The following PCDH9 variants were observed in gnomAD, a reference collection of about 807,000 sequenced individuals.
The protein encoded by PCDH9 is protocadherin 9.
A neutral mutation model predicts 70.6 loss-of-function variants in PCDH9; 24 were observed. That is an observed-to-expected ratio of 0.34 (90% CI 0.25 to 0.48). The LOEUF (loss-of-function observed/expected upper bound fraction) is 0.48, where lower values mean the gene tolerates loss of function less well. Ranked by LOEUF, PCDH9 falls within the 20% of genes least tolerant of loss-of-function variation. PCDH9 has a pLI of 0.99. For synonymous variants in PCDH9, 562 were observed against 558.5 expected (o/e 1.01, Z -0.09); for missense variants, 1,281 against 1,503.6 (o/e 0.85, Z 2.45).
At chr13:66,444,904 A>G (rs1958042191) in intron 4 of PCDH9, among the ~76,000 whole-genome samples, 1 of 151,912 alleles carries the variant, frequency 6.6e-6, no homozygotes, top group Non-Finnish European at 1.5e-5. Flanking sequence ...AGCAGTATCA[A>G]TGAGAATTTC....
chr13:66,516,129 G>A lies in PCDH9; in HGVS notation c.3340+115081C>T, dbSNP rs548025454. ...TAATTCTTATCAACATGGAAATTGT[G>A]TAATAATTCAATGTAATTTTATTTT... On this transcript the variant is annotated intron_variant, in intron 4 of 4. Coordinates refer to ENST00000377865, the MANE Select transcript of PCDH9 (RefSeq NM_203487.3). Among the ~76,000 whole-genome samples the A allele has an allele frequency of 1.3e-4, 20 of 152,080 alleles. No homozygotes were observed. The East Asian group carries it at 2.7e-3, about 21-fold the overall frequency.
intron 2 of PCDH9, among the ~76,000 whole-genome samples, chr13:67,075,537 TG>T (rs1183734917): frequency 6.6e-6 from 1 of 152,100 alleles, no homozygotes; most frequent in Non-Finnish European, 1.5e-5. Context: ...GGAATCATGA[TG>T]GGTTTTTTTT....
intron 3 of PCDH9, among the ~76,000 whole-genome samples, chr13:66,738,898 C>T (rs1476568064): frequency 1.4e-5 from 2 of 147,748 alleles, no homozygotes; most frequent in African/African-American, 2.5e-5. Flanking sequence ...GAGAATGGAA[C>T]CAAGTTGGAA....
intron 4 of PCDH9, among the ~76,000 whole-genome samples, chr13:66,609,899 T>C (rs188649636): frequency 7.2e-5 from 11 of 151,976 alleles, no homozygotes; most frequent in Admixed American, 4.6e-4. Context: ...AGCAACATGT[T>C]AGAAGGACTA....
At chr13:66,483,831 C>T (rs997342323) in intron 4 of PCDH9, among the ~76,000 whole-genome samples, 138 of 152,284 alleles carry the variant, frequency 9.1e-4, no homozygotes, top group Non-Finnish European at 1.4e-3. Flanking sequence ...GCCACGCCCC[C>T]TTCCTGGGCC....
chr13:66,348,908 T>G (rs1956253261), intron 4 of PCDH9, among the ~76,000 whole-genome samples: 1 of 152,146 alleles, frequency 6.6e-6, no homozygotes, highest in African/African-American at 2.4e-5. Flanking sequence ...ATCACACTTG[T>G]AACCTTTCCC....
chr13:66,979,739 A>G (rs1236377935), intron 2 of PCDH9, among the ~76,000 whole-genome samples: 1 of 152,144 alleles, frequency 6.6e-6, no homozygotes, highest in Non-Finnish European at 1.5e-5. Flanking sequence ...CATTTCTAAG[A>G]CCACCAATAA....
chr13:66,650,462 A>C (rs776479260), intron 3 of PCDH9, among the ~76,000 whole-genome samples: 13 of 152,016 alleles, frequency 8.6e-5, no homozygotes, highest in Non-Finnish European at 1.3e-4. Context: ...GCACTGGAGC[A>C]CCCAGATTTA....
chr13:66,513,832 G>A (rs1269276913), intron 4 of PCDH9, among the ~76,000 whole-genome samples: 1 of 151,830 alleles, frequency 6.6e-6, no homozygotes, highest in Non-Finnish European at 1.5e-5. Flanking sequence ...TGGCAATGAG[G>A]TAACTTTTTT....
intron 4 of PCDH9, among the ~76,000 whole-genome samples, chr13:66,464,224 T>C (rs978848750): frequency 1.1e-4 from 16 of 151,428 alleles, no homozygotes; most frequent in African/African-American, 3.9e-4. Context: ...AAGTGAATGA[T>C]TAAAAAAAAA....
At chr13:66,866,572 C>T (rs2081579423) in intron 3 of PCDH9, among the ~76,000 whole-genome samples, 1 of 152,008 alleles carries the variant, frequency 6.6e-6, no homozygotes, top group Admixed American at 6.6e-5. Context: ...CTGAGGTAGG[C>T]GGATCACTGA....
intron 4 of PCDH9, among the ~76,000 whole-genome samples, chr13:66,622,543 G>A (rs924907135): frequency 1.3e-5 from 2 of 152,180 alleles, no homozygotes; most frequent in Non-Finnish European, 2.9e-5. Flanking sequence ...CAGGGTTTGT[G>A]AATGCACCAA....
chr13:66,855,757 A>G (rs2081384757), intron 3 of PCDH9, among the ~76,000 whole-genome samples: 1 of 152,030 alleles, frequency 6.6e-6, no homozygotes, highest in African/African-American at 2.4e-5. Flanking sequence ...TGGATAATGT[A>G]CTGGTTTACT....
chr13:67,172,702 AC>A (rs1266073479), intron 2 of PCDH9, among the ~76,000 whole-genome samples: 1 of 151,784 alleles, frequency 6.6e-6, no homozygotes, highest in African/African-American at 2.4e-5. Flanking sequence ...AAAAGGGGAA[AC>A]CCCATCTCTA....
At chr13:66,963,145 G>A (rs1007517278) in intron 2 of PCDH9, among the ~76,000 whole-genome samples, 7 of 152,268 alleles carry the variant, frequency 4.6e-5, no homozygotes, top group East Asian at 3.9e-4. Flanking sequence ...GAGCTCAGGC[G>A]GTAATGTGAG....
At chr13:66,812,667 T>A (rs2080530268) in intron 3 of PCDH9, among the ~76,000 whole-genome samples, 1 of 152,222 alleles carries the variant, frequency 6.6e-6, no homozygotes, top group African/African-American at 2.4e-5. Flanking sequence ...CATCTAGGTA[T>A]GCAATGTTGT....
chr13:66,423,974 A>G (rs1957619814), intron 4 of PCDH9, among the ~76,000 whole-genome samples: 1 of 152,212 alleles, frequency 6.6e-6, no homozygotes, highest in African/African-American at 2.4e-5. Context: ...CAACTTCAGC[A>G]AAGTCTCAGG....
At chr13:66,905,966 A>C (rs761485146) in intron 2 of PCDH9, among the ~76,000 whole-genome samples, 2 of 152,050 alleles carry the variant, frequency 1.3e-5, no homozygotes, top group Non-Finnish European at 2.9e-5. Context: ...TCATTCACTC[A>C]TTTTATTCTG....
At chr13:66,651,522 G>A (rs1308003495) in intron 3 of PCDH9, among the ~76,000 whole-genome samples, 1 of 151,840 alleles carries the variant, frequency 6.6e-6, no homozygotes, top group African/African-American at 2.4e-5. Flanking sequence ...GTACTAAAAA[G>A]TCTCCCAGCA....
Sources: allele counts gnomAD v4.1 joint callset (sites outside exome capture counted in the v4.1 genomes callset), GRCh38; gene constraint gnomAD v4.1.1; transcripts MANE v1.5; gene names NCBI Gene and HGNC (gene_info 2026-07-23, HGNC 2026-07-21).